Variants in ERAP2 observed in about 807,000 individuals in gnomAD.
The protein encoded by ERAP2 is leukocyte-derived arginine aminopeptidase.
ERAP2 carries 118 observed loss-of-function variants against 111.1 expected under a neutral mutation model. The observed-to-expected ratio is 1.06, with a 90% confidence interval of 0.92 to 1.24. The LOEUF is 1.24. Ranked by LOEUF, ERAP2 falls within the 50% of genes most tolerant of loss-of-function variation. The pLI, the probability that ERAP2 is intolerant of heterozygous loss-of-function variation, is 0.00. For missense variants in ERAP2, 1,131 were observed against 1,125.8 expected (o/e 1.00, Z -0.07); for synonymous variants, 410 against 401.2 (o/e 1.02, Z -0.26).
chr5:96,878,186 T>C (rs1386082054), intron 1 of ERAP2, among the ~76,000 whole-genome samples: 1 of 151,800 alleles, frequency 6.6e-6, no homozygotes, highest in Non-Finnish European at 1.5e-5. Flanking sequence ...TTTGATTTAA[T>C]TGTGCTTTCA....
intron 9 of ERAP2, among the ~76,000 whole-genome samples, chr5:96,898,572 C>CAAAAAAAA (rs770783071): frequency 3.3e-4 from 31 of 94,406 alleles, no homozygotes; most frequent in Non-Finnish European, 4.1e-4. Flanking sequence ...TACTAAAATA[C>CAAAAAAAA]AAAAAAAAAA....
At chr5:96,882,225 T>G (rs774831495) in intron 2 of ERAP2, among the ~76,000 whole-genome samples, 4 of 152,208 alleles carry the variant, frequency 2.6e-5, no homozygotes, top group African/African-American at 4.8e-5. Flanking sequence ...ACATAAACAA[T>G]GATGGCTTTT....
intron 6 of ERAP2, among the ~76,000 whole-genome samples, chr5:96,892,859 G>A (rs1784517826): frequency 1.3e-5 from 2 of 152,100 alleles, no homozygotes; most frequent in African/African-American, 4.8e-5. Flanking sequence ...CCTTCAGTTG[G>A]AACCTGTGCT....
rs540595297 is a variant in ERAP2, at chr5:96,917,695, A to G, written c.*90A>G. The G allele has an allele frequency of 9.7e-7, 1 of 1,026,850 alleles. No homozygotes were observed. The highest frequency in any genetic ancestry group is 1.4e-6 in the Non-Finnish European group (1 of 726,396). The allele number at this position is 1,026,850 out of a possible 1,614,324, so 63.6% of individuals were successfully genotyped here. ...GCTGAGAAGGGCGGATCACGAGGTC[A>G]GGAGATGGAGACCATCCTGGCTAAC... is the stretch of plus-strand genomic sequence containing the variant. On this transcript the variant is annotated 3_prime_UTR_variant, in exon 19 of 19. Coordinates refer to ENST00000437043, the MANE Select transcript of ERAP2 (RefSeq NM_022350.5).
chr5:96,887,100 T>TATATACAC (rs1478213165), intron 4 of ERAP2, among the ~76,000 whole-genome samples: 53 of 137,438 alleles, frequency 3.9e-4, no homozygotes, highest in Non-Finnish European at 6.9e-4. Flanking sequence ...TATATATATA[T>TATATACAC]ACACACACAC....
chr5:96,876,236 C>A (rs1782513756), upstream of ERAP2: 1 of 152,306 alleles, frequency 6.6e-6, no homozygotes, highest in East Asian at 1.9e-4. Context: ...GAAGGCTTTA[C>A]CCTGGGGACA....
chr5:96,901,681 G>A lies in ERAP2; in HGVS notation c.1748G>A (p.Arg583Lys). 6.2e-7 allele frequency: 1 copy of A among 1,613,192 alleles called. No individual in the cohort carries two copies. The highest frequency in any genetic ancestry group is 8.5e-7 in the Non-Finnish European group (1 of 1,179,662). The change falls in exon 11 of 19, where the codon AGG (arginine) becomes AAG (lysine). Residue 583 changes from arginine to lysine, a missense_variant and splice_region_variant. This residue lies in a region of ERAP2 where 847 missense variants were observed against 856.5 expected (regional missense o/e 0.99). Coordinates refer to ENST00000437043, the MANE Select transcript of ERAP2 (RefSeq NM_022350.5). ...CCTGAATGGAGGGCCCTGCAGGAGA[G>A]GTGGCTGCTTTTCTTCTTTAGGTCT... ...EDPEWRALQE[R>K]YLWHIPLTYS...
intron 11 of ERAP2, 26 bp downstream of exon 11, chr5:96,901,707 A>G: frequency 6.2e-7 from 1 of 1,605,238 alleles, no homozygotes; most frequent in South Asian, 1.1e-5. Context: ...CTTTAGGTCT[A>G]GCTTACCTCA....
intron 11 of ERAP2, 25 bp downstream of exon 11, chr5:96,901,706 T>A (rs1785490776): frequency 6.2e-7 from 1 of 1,606,602 alleles, no homozygotes. Context: ...TCTTTAGGTC[T>A]AGCTTACCTC....
chr5:96,911,954 C>G lies in ERAP2; in HGVS notation c.2355-683C>G, dbSNP rs550956255. 9.9e-5 allele frequency among the ~76,000 whole-genome samples: 15 copies of G among 150,860 alleles called. No homozygotes were observed. The East Asian group carries it at 2.9e-3, about 29-fold the overall frequency. On this transcript the variant is annotated intron_variant, in intron 15 of 18. Transcript: ENST00000437043. ...CCTGTAATCCCAGCACTTTGGGAGGCTGAGGCGGGCGGATCACGAGGTCAG... is the reference window on the plus strand; with the variant it reads ...CCTGTAATCCCAGCACTTTGGGAGGGTGAGGCGGGCGGATCACGAGGTCAG...
Position 96,909,095 on chromosome 5 carries a change from C to T in ERAP2, c.2147C>T (p.Ser716Leu), listed in dbSNP as rs1240152845. The T allele has an allele frequency of 2.5e-6, 4 of 1,613,938 alleles. No homozygotes were observed. The South Asian group carries it at 4.4e-5, about 18-fold the overall frequency. ...CACATGATGGACAGAAGGAATATTT[C>T]AGATATCTCTGAAAACCTCAAGGTT... ...FYHMMDRRNI[S>L]DISENLKRYL... is the part of the protein sequence containing the mutation. The change falls in exon 14 of 19, where the codon TCA (serine) becomes TTA (leucine). Residue 716 changes from serine to leucine, a missense_variant. Around this residue, in one of 3 missense-constraint regions of ERAP2, gnomAD observed 847 missense variants for 856.5 expected, o/e 0.99. Transcript: ENST00000437043.
chr5:96,896,225 G>A (rs1205488203), intron 7 of ERAP2, 148 bp from the exon 8 acceptor site: 1 of 568,762 alleles, frequency 1.8e-6, no homozygotes, highest in Admixed American at 3.7e-5. Context: ...TTTGGCCAAA[G>A]GGGAATACAT....
At chr5:96,894,270 C>T (rs888432908) in intron 6 of ERAP2, among the ~76,000 whole-genome samples, 4 of 152,158 alleles carry the variant, frequency 2.6e-5, no homozygotes, top group African/African-American at 4.8e-5. Context: ...TTATATTCAC[C>T]GGTTTTCAAA....
Position 96,879,652 on chromosome 5 carries a change from T to C in ERAP2, c.-34T>C. The C allele has an allele frequency of 6.3e-7, 1 of 1,580,916 alleles. No homozygotes were observed. The highest frequency in any genetic ancestry group is 8.7e-7 in the Non-Finnish European group (1 of 1,151,990). The stretch of plus-strand genomic sequence containing the variant: ...GCCATGAAGAACTACGAGATTAGCC[T>C]GGATATTAACTTGTCTTCTAGAGAA... On this transcript the variant is annotated 5_prime_UTR_variant, in exon 2 of 19. Coordinates refer to ENST00000437043, the MANE Select transcript of ERAP2 (RefSeq NM_022350.5).
chr5:96,896,875 G>T lies in ERAP2; in HGVS notation c.1503+12G>T. The T allele has an allele frequency of 2.6e-6, 4 of 1,567,754 alleles. No individual in the cohort carries two copies. The highest frequency in any genetic ancestry group is 3.4e-6 in the Non-Finnish European group (4 of 1,164,762). On this transcript the variant is annotated intron_variant, in intron 9 of 18. Transcript: ENST00000437043. The stretch of plus-strand genomic sequence containing the variant: ...GCAGTCTGTCAAATGTAAGTCATAT[G>T]TTGGGTAACGATAGACTGTTATTTA...
At chr5:96,896,211 C>A (rs923781896) in intron 7 of ERAP2, among the ~76,000 whole-genome samples, 162 bp from the exon 8 acceptor site, 26 of 151,946 alleles carry the variant, frequency 1.7e-4, no homozygotes, top group African/African-American at 6.3e-4. Context: ...AAGATGTATT[C>A]CCCTTTGGCC....
intron 9 of ERAP2, 102 bp downstream of exon 9, chr5:96,896,965 T>TAAGACA (rs1234064734): frequency 1.0e-6 from 1 of 970,030 alleles, no homozygotes. Context: ...GTCAACCATA[T>TAAGACA]TTATTCTGCT....
chr5:96,906,421 C>G (rs764079945), intron 13 of ERAP2, among the ~76,000 whole-genome samples: 1 of 152,066 alleles, frequency 6.6e-6, no homozygotes, highest in African/African-American at 2.4e-5. Flanking sequence ...CACACACCAC[C>G]ATGCCCAACC....
Position 96,913,458 on chromosome 5 carries a change from G to C in ERAP2, c.2657+1G>C, listed in dbSNP as rs754582668. The C allele has an allele frequency of 2.5e-6, 4 of 1,613,872 alleles. No homozygotes were observed. The South Asian group carries it at 4.4e-5, about 18-fold the overall frequency. ...AAAATTGGACCCATCTTCTGAAAAA[G>C]TTGGTATTCATTTTCATCCAATGTT... is the stretch of plus-strand genomic sequence containing the variant. On this transcript the variant is annotated splice_donor_variant, in intron 17 of 18. Coordinates refer to ENST00000437043, the MANE Select transcript of ERAP2 (RefSeq NM_022350.5). LOFTEE classifies it high-confidence loss of function.
Sources: allele counts gnomAD v4.1 joint callset (sites outside exome capture counted in the v4.1 genomes callset), GRCh38; gene constraint gnomAD v4.1.1; regional missense constraint gnomAD v4.1.1; transcripts MANE v1.5; gene names NCBI Gene and HGNC (gene_info 2026-07-23, HGNC 2026-07-21).